Variants in HECTD2 observed in about 807,000 individuals in gnomAD.
HECTD2 encodes HECT domain E3 ubiquitin protein ligase 2.
In HECTD2, 35 loss-of-function variants were observed where a neutral mutation model predicts 103.2. The ratio of observed to expected loss-of-function variants is 0.34; its 90% CI spans 0.26 to 0.45. HECTD2 has a LOEUF of 0.45. Among genes scored for constraint, HECTD2 ranks in the 20% least tolerant of loss-of-function variants. HECTD2 has a pLI of 1.00. For synonymous variants in HECTD2, 281 were observed against 329.9 expected (o/e 0.85, Z 1.61); for missense variants, 596 against 937.4 (o/e 0.64, Z 4.76).
chr10:91,485,401 C>T (rs1846230589), intron 10 of HECTD2, 98 bp downstream of exon 10: 3 of 830,332 alleles, frequency 3.6e-6, no homozygotes, highest in Non-Finnish European at 5.6e-6. Flanking sequence ...CATACGTTTA[C>T]ATATAAATGT....
intron 5 of HECTD2, among the ~76,000 whole-genome samples, chr10:91,468,801 T>C (rs988006338): frequency 1.8e-4 from 28 of 152,018 alleles, no homozygotes; most frequent in African/African-American, 6.8e-4. Flanking sequence ...CTGGGTGTAG[T>C]GGTGCATGCT....
At chr10:91,474,721 G>T (rs927053021) in intron 5 of HECTD2, among the ~76,000 whole-genome samples, 3 of 152,110 alleles carry the variant, frequency 2.0e-5, no homozygotes, top group Non-Finnish European at 4.4e-5. Context: ...TTCTATTGGG[G>T]GCAGGTTACA....
chr10:91,445,865 CT>C (rs1844588782), intron 2 of HECTD2, among the ~76,000 whole-genome samples: 1 of 152,192 alleles, frequency 6.6e-6, no homozygotes, highest in South Asian at 2.1e-4. Context: ...AGATACTACA[CT>C]TTTTCCATGG....
intron 20 of HECTD2, among the ~76,000 whole-genome samples, chr10:91,506,519 T>A (rs1048722916): frequency 1.3e-5 from 2 of 151,682 alleles, no homozygotes; most frequent in African/African-American, 4.8e-5. Flanking sequence ...AACTAGAAAA[T>A]CTAGAAGAAA....
intron 2 of HECTD2, among the ~76,000 whole-genome samples, chr10:91,457,433 A>G (rs181153739): frequency 2.6e-5 from 4 of 152,180 alleles, no homozygotes; most frequent in Admixed American, 2.0e-4. Context: ...ATTAGCAAAT[A>G]AAATTCAGCA....
chr10:91,434,738 T>C (rs914225133), intron 2 of HECTD2, among the ~76,000 whole-genome samples: 3 of 151,978 alleles, frequency 2.0e-5, no homozygotes, highest in African/African-American at 7.2e-5. Flanking sequence ...TGTTCAATAG[T>C]GGGAATAACA....
chr10:91,469,214 A>G (rs1296147883), intron 5 of HECTD2, among the ~76,000 whole-genome samples: 3 of 152,204 alleles, frequency 2.0e-5, no homozygotes, highest in South Asian at 2.1e-4. Flanking sequence ...TATTTCCCCA[A>G]CCTCACTAGA....
intron 14 of HECTD2, among the ~76,000 whole-genome samples, chr10:91,494,048 A>G (rs1846574115): frequency 6.6e-6 from 1 of 152,054 alleles, no homozygotes; most frequent in Non-Finnish European, 1.5e-5. Flanking sequence ...TATGATTCCT[A>G]TCAGGTATAT....
At chr10:91,419,935 A>G (rs1454897355) in intron 1 of HECTD2, among the ~76,000 whole-genome samples, 1 of 152,214 alleles carries the variant, frequency 6.6e-6, no homozygotes, top group Non-Finnish European at 1.5e-5. Context: ...AGGTTTGTAA[A>G]GTAATGTTCT....
intron 5 of HECTD2, 128 bp from the exon 6 acceptor site, chr10:91,478,073 T>G: frequency 1.6e-6 from 1 of 638,020 alleles, no homozygotes; most frequent in Non-Finnish European, 2.8e-6. Context: ...TCAGTACTAC[T>G]ATAAGTGTCA....
intron 5 of HECTD2, among the ~76,000 whole-genome samples, chr10:91,477,983 T>C (rs1564726861): frequency 6.6e-6 from 1 of 152,210 alleles, no homozygotes. Flanking sequence ...TGTTTGTGCA[T>C]GTTGTATGCT....
At chr10:91,504,756 A>G (rs1252544886) in intron 20 of HECTD2, among the ~76,000 whole-genome samples, 1 of 151,756 alleles carries the variant, frequency 6.6e-6, no homozygotes, top group Admixed American at 6.6e-5. Flanking sequence ...GCCAACATTC[A>G]GATTCAGGAA....
At chr10:91,505,967 T>A (rs1315592098) in intron 20 of HECTD2, among the ~76,000 whole-genome samples, 4 of 151,080 alleles carry the variant, frequency 2.6e-5, no homozygotes, top group Admixed American at 6.6e-5. Context: ...GGATTAAGAA[T>A]CTCACTCAAA....
intron 4 of HECTD2, 144 bp from the exon 5 acceptor site, chr10:91,461,950 AT>A: frequency 3.3e-6 from 2 of 604,986 alleles, no homozygotes; most frequent in Non-Finnish European, 5.6e-6. Context: ...ATTTCTTTTT[AT>A]TTTCAGAAAT....
chr10:91,513,150 A>G lies in HECTD2; in HGVS notation c.*766A>G, dbSNP rs1303662108. On this transcript the variant is annotated 3_prime_UTR_variant, in exon 21 of 21. Coordinates refer to ENST00000298068, the MANE Select transcript of HECTD2 (RefSeq NM_182765.6). ...CATGCACATTGGCAGTAAACTAGTT[A>G]CTTGTGTACTCTGTAATATTTGTAT... is the stretch of plus-strand genomic sequence containing the variant. The G allele has an allele frequency of 3.3e-5, 5 of 152,642 alleles. No homozygotes were observed. The highest frequency in any genetic ancestry group is 2.0e-4 in the Admixed American group (3 of 15,284). 9.5% of individuals were successfully genotyped at this position (152,642 alleles called of 1,614,324 possible).
chr10:91,449,130 A>G (rs1844668326), intron 2 of HECTD2, among the ~76,000 whole-genome samples: 1 of 152,046 alleles, frequency 6.6e-6, no homozygotes, highest in African/African-American at 2.4e-5. Context: ...AATCCTCAGT[A>G]AAATACTGGC....
At chr10:91,444,295 A>T (rs916535298) in intron 2 of HECTD2, among the ~76,000 whole-genome samples, 10 of 152,206 alleles carry the variant, frequency 6.6e-5, no homozygotes, top group African/African-American at 2.4e-4. Context: ...TTGAGGTGGA[A>T]GAGTGAAATT....
intron 2 of HECTD2, among the ~76,000 whole-genome samples, chr10:91,440,676 G>C (rs1249679144): frequency 9.5e-6 from 1 of 105,158 alleles, no homozygotes; most frequent in Non-Finnish European, 1.9e-5. Flanking sequence ...TTGTATCTCT[G>C]GTAGAATTCA....
chr10:91,418,186 TA>T (rs200185627), intron 1 of HECTD2, among the ~76,000 whole-genome samples: 6 of 151,536 alleles, frequency 4.0e-5, no homozygotes, highest in South Asian at 4.2e-4. Context: ...ATGTTTTTGT[TA>T]AAAAAAAAGA....
Sources: allele counts gnomAD v4.1 joint callset (sites outside exome capture counted in the v4.1 genomes callset), GRCh38; gene constraint gnomAD v4.1.1; transcripts MANE v1.5; gene names NCBI Gene and HGNC (gene_info 2026-07-23, HGNC 2026-07-21).